LRRC20: variants seen among roughly 807,000 people sequenced by gnomAD.
The protein encoded by LRRC20 is leucine-rich repeat-containing protein 20.
Under a neutral mutation model 14.4 loss-of-function variants are expected in LRRC20, and 11 were observed. The ratio of observed to expected loss-of-function variants is 0.77; its 90% CI spans 0.48 to 1.27. The LOEUF is 1.27. Among genes scored for constraint, LRRC20 ranks in the 50% most tolerant of loss-of-function variants. The pLI, the probability that LRRC20 is intolerant of heterozygous loss-of-function variation, is 0.00. For missense variants in LRRC20, 219 were observed against 251.2 expected (o/e 0.87, Z 0.87); for synonymous variants, 121 against 107.3 (o/e 1.13, Z -0.79).
At chr10:70,375,030 G>C (rs1055507095) in intron 2 of LRRC20, among the ~76,000 whole-genome samples, 4 of 152,024 alleles carry the variant, frequency 2.6e-5, no homozygotes, top group African/African-American at 4.8e-5. Context: ...TCAAATCCAG[G>C]CCCATGTGAC....
intron 3 of LRRC20, among the ~76,000 whole-genome samples, chr10:70,335,118 C>A (rs973521375): frequency 1.3e-5 from 2 of 152,164 alleles, no homozygotes; most frequent in African/African-American, 2.4e-5. Flanking sequence ...GGCTGGCTGG[C>A]ATCTCCCTGT....
At chr10:70,366,601 G>A (rs1455015820) in intron 2 of LRRC20, among the ~76,000 whole-genome samples, 1 of 152,084 alleles carries the variant, frequency 6.6e-6, no homozygotes, top group African/African-American at 2.4e-5. Context: ...AAAACATACC[G>A]AGTGTTGAAA....
intron 2 of LRRC20, among the ~76,000 whole-genome samples, chr10:70,365,053 C>CTTTTTTTTT (rs10581759): frequency 2.8e-4 from 20 of 71,430 alleles, no homozygotes; most frequent in African/African-American, 1.0e-3. Context: ...TGAGATTCAA[C>CTTTTTTTTT]TTTTTTTTTT....
At chr10:70,375,261 CTTCCACACGTTTACAAAGTGCCT>C (rs1308957869) in intron 2 of LRRC20, among the ~76,000 whole-genome samples, 10 of 152,220 alleles carry the variant, frequency 6.6e-5, no homozygotes, top group African/African-American at 1.4e-4. Context: ...TCAGCAAACA[CTTCCACACGTTTACAAAGTGCCT>C]GACACTGCGC....
intron 2 of LRRC20, among the ~76,000 whole-genome samples, chr10:70,352,608 A>C (rs180711310): frequency 1.1e-4 from 16 of 152,292 alleles, no homozygotes; most frequent in African/African-American, 3.6e-4. Context: ...TAGGTTCACC[A>C]ATTGTAGTAA....
chr10:70,299,115 C>T lies in LRRC20; in HGVS notation c.*2239G>A, dbSNP rs1177776986. 1.3e-5 allele frequency: 2 copies of T among 152,592 alleles called. No individual in the cohort carries two copies. The highest frequency in any genetic ancestry group is 2.9e-5 in the Non-Finnish European group (2 of 68,076). 9.5% of individuals were successfully genotyped at this position (152,592 alleles called of 1,614,324 possible). ...TCCAAGCAGAGGAGAAAACAACTTC[C>T]AGAAGCTGCCCCTTCAAAGGCCTGA... On this transcript the variant is annotated 3_prime_UTR_variant, in exon 5 of 5. Transcript: ENST00000446961.
At position 70,323,687 on chromosome 10, in the gene LRRC20, C is replaced by T. The variant is rs112507134; in HGVS notation, c.400+176G>A. 4.1e-3 allele frequency among the ~76,000 whole-genome samples: 621 copies of T among 152,326 alleles called. 2 individuals carry two copies. Among genetic ancestry groups the T allele is most frequent in the Non-Finnish European group, 5.9e-3 (398 of 68,020 alleles). On this transcript the variant is annotated intron_variant, in intron 4 of 4. Coordinates refer to ENST00000446961, the MANE Select transcript of LRRC20 (RefSeq NM_001278212.2). The stretch of plus-strand genomic sequence containing the variant: ...GAAAGCAAGTGTCCCACCCAGCACC[C>T]GGTAGGCAACAGGGCCTCAAAATGT...
chr10:70,308,537 T>C (rs1266903042), intron 4 of LRRC20, among the ~76,000 whole-genome samples: 3 of 152,180 alleles, frequency 2.0e-5, no homozygotes, highest in East Asian at 3.9e-4. Context: ...CCTTGAATGC[T>C]GGGGGACACA....
rs180706391 is a variant in LRRC20 at position 70,336,153 on chromosome 10, C to G, written c.232+4400G>C. Among the ~76,000 whole-genome samples, 141 of 152,290 alleles carry G rather than the reference C, an allele frequency of 9.3e-4. 2 individuals carry two copies. In the Middle Eastern group the frequency reaches 0.037, roughly 40 times the overall value. On this transcript the variant is annotated intron_variant, in intron 3 of 4. Transcript: ENST00000446961. ...ACAGGGAGAATGCTCAGCATGGAGC[C>G]GGGAGAGCTGAGCACCTTGTGAATT...
chr10:70,334,669 G>A (rs572215644), intron 3 of LRRC20, among the ~76,000 whole-genome samples: 37 of 152,232 alleles, frequency 2.4e-4, no homozygotes, highest in African/African-American at 8.4e-4. Flanking sequence ...CTGTTAGGAT[G>A]AACTCAGTTG....
intron 4 of LRRC20, among the ~76,000 whole-genome samples, chr10:70,304,029 T>A (rs1841310969): frequency 6.6e-6 from 1 of 151,566 alleles, no homozygotes; most frequent in Non-Finnish European, 1.5e-5. Context: ...TCGCCTCAGT[T>A]TTTTTTTTAA....
chr10:70,346,589 T>C (rs1843079176), intron 2 of LRRC20, among the ~76,000 whole-genome samples: 1 of 152,202 alleles, frequency 6.6e-6, no homozygotes, highest in African/African-American at 2.4e-5. Context: ...GAATCATTCA[T>C]GTTACAGAGC....
Position 70,300,121 on chromosome 10 carries a change from G to A in LRRC20, c.*1233C>T, listed in dbSNP as rs1841114346. ...CAAAGATGCAGATCAGGTGGGGTCT[G>A]GGGCACTGAGTTGGCTTGCTCCACA... On this transcript the variant is annotated 3_prime_UTR_variant, in exon 5 of 5. Transcript: ENST00000446961. The A allele has an allele frequency of 6.5e-6, 1 of 153,144 alleles. No homozygotes were observed. The highest frequency in any genetic ancestry group is 2.4e-5 in the African/African-American group (1 of 41,452). The allele number at this position is 153,144 out of a possible 1,614,324, so 9.5% of individuals were successfully genotyped here.
At chr10:70,310,725 C>T (rs1308033962) in intron 4 of LRRC20, among the ~76,000 whole-genome samples, 1 of 152,188 alleles carries the variant, frequency 6.6e-6, no homozygotes, top group Non-Finnish European at 1.5e-5. Flanking sequence ...GCAGAATCGC[C>T]ATCAATGCTG....
intron 4 of LRRC20, among the ~76,000 whole-genome samples, chr10:70,316,989 G>A (rs1297816014): frequency 6.6e-6 from 1 of 152,252 alleles, no homozygotes; most frequent in Admixed American, 6.5e-5. Context: ...AGCGCATAGA[G>A]GTCAGGGCAA....
At position 70,301,434 on chromosome 10, in the gene LRRC20, C is replaced by T. The variant is rs367770358; in HGVS notation, c.475G>A (p.Glu159Lys). 6.6e-5 allele frequency: 106 copies of T among 1,613,798 alleles called. No individual in the cohort carries two copies. The highest frequency in any genetic ancestry group is 9.3e-5 in the African/African-American group (7 of 74,934). ...INLRFNPLNA[E>K]VRVIAPPLIK... ...AGCGGCGGGGCGATCACGCGCACCT[C>T]GGCGTTGAGTGGGTTGAAGCGGAGG... is the stretch of plus-strand genomic sequence containing the variant. Residue 159 changes from glutamate to lysine, a missense_variant, in exon 5 of 5, where the codon GAG (glutamate) becomes AAG (lysine). Physicochemically the swap from Glu to Lys is moderately conservative, Grantham distance 56. Transcript: ENST00000446961.
chr10:70,331,019 C>A (rs979741972), intron 3 of LRRC20, among the ~76,000 whole-genome samples: 2 of 152,204 alleles, frequency 1.3e-5, no homozygotes, highest in African/African-American at 4.8e-5. Context: ...AGAAAAGCCA[C>A]TTCTCCCTTC....
intron 4 of LRRC20, among the ~76,000 whole-genome samples, chr10:70,313,053 T>G (rs1841729082): frequency 6.6e-6 from 1 of 152,120 alleles, no homozygotes; most frequent in Non-Finnish European, 1.5e-5. Flanking sequence ...AGCCTTTCCC[T>G]CCAAAGAGTC....
chr10:70,319,067 A>G (rs1564616729), intron 4 of LRRC20, among the ~76,000 whole-genome samples: 1 of 152,054 alleles, frequency 6.6e-6, no homozygotes, highest in Non-Finnish European at 1.5e-5. Context: ...TCGGCCTGCC[A>G]AAGTGCTGGA....
Sources: gnomAD v4.1 joint callset for allele counts (sites outside exome capture counted in the v4.1 genomes callset) on GRCh38, gnomAD v4.1.1 for gene constraint, MANE v1.5 for transcripts, NCBI Gene and HGNC (gene_info 2026-07-23, HGNC 2026-07-21) for gene names.